Variants in ACLY observed in about 807,000 individuals in gnomAD.
ACLY encodes the protein ATP citrate lyase.
In ACLY, 41 loss-of-function variants were observed where a neutral mutation model predicts 133.0. The ratio of observed to expected loss-of-function variants is 0.31; its 90% CI spans 0.24 to 0.40. The LOEUF (loss-of-function observed/expected upper bound fraction) is 0.40. Ranked by LOEUF, ACLY falls within the 10% of genes least tolerant of loss-of-function variation. The pLI is 1.00. For missense variants in ACLY, 1,046 were observed against 1,453.8 expected (o/e 0.72, Z 4.56); for synonymous variants, 495 against 549.3 (o/e 0.90, Z 1.38).
chr17:41,893,219 C>A (rs782229497), intron 14 of ACLY, 45 bp from the exon 15 acceptor site: 1 of 1,582,054 alleles, frequency 6.3e-7, no homozygotes, highest in South Asian at 1.2e-5. Flanking sequence ...CACATACCCC[C>A]AGGAGACCTG....
intron 1 of ACLY, among the ~76,000 whole-genome samples, chr17:41,915,850 C>G (rs1046986022): frequency 3.9e-5 from 6 of 152,122 alleles, no homozygotes. Context: ...AAGGAACACT[C>G]AGAGAGGAGG....
Position 41,907,478 on chromosome 17 carries a change from C to G in ACLY, c.711G>C (p.Glu237Asp). Reference sequence around the variant, plus strand: ...CCTCCCGCCCGAAGGGGGGAGGGAACTCGATGTCACCCCACTTCACTTTGC... The same window carrying G: ...CCTCCCGCCCGAAGGGGGGAGGGAAGTCGATGTCACCCCACTTCACTTTGC... ...YICKVKWGDI[E>D]FPPPFGREAY... Residue 237 changes from glutamate (E) to aspartate (D), a missense_variant, in exon 7 of 29, where the codon GAG becomes GAC. This residue lies in a region of ACLY where 575 missense variants were observed against 804.2 expected (regional missense o/e 0.71). Coordinates refer to ENST00000352035, the MANE Select transcript of ACLY (RefSeq NM_001096.3). 6.2e-7 allele frequency: 1 copy of G among 1,613,884 alleles called. No homozygotes were observed. The highest frequency in any genetic ancestry group is 8.5e-7 in the Non-Finnish European group (1 of 1,179,944).
rs199706431 is a variant in ACLY, at chr17:41,867,914, A to T, written c.3212-10T>A. ...TGATCAAGATAGTGTCCTAAAATGA[A>T]GCAAACACATCTTTTTTATTAGAGC... On this transcript the variant is annotated splice_polypyrimidine_tract_variant and intron_variant, in intron 28 of 28. Transcript: ENST00000352035. 1.4e-4 allele frequency: 225 copies of T among 1,593,824 alleles called. No homozygotes were observed. Among genetic ancestry groups the T allele is most frequent in the Middle Eastern group, 3.4e-4 (2 of 5,918 alleles).
intron 21 of ACLY, 42 bp from the exon 22 acceptor site, chr17:41,878,238 AT>A: frequency 2.8e-6 from 4 of 1,436,218 alleles, no homozygotes; most frequent in Admixed American, 2.3e-5. Context: ...GGATTTTCTT[AT>A]TTTGGGCTCC....
intron 1 of ACLY, among the ~76,000 whole-genome samples, chr17:41,928,817 C>T (rs967486048): frequency 1.4e-5 from 2 of 147,750 alleles, no homozygotes; most frequent in Non-Finnish European, 3.0e-5. Flanking sequence ...CACATCACTG[C>T]ACTCCAGCCT....
At chr17:41,921,503 G>C (rs143917434), upstream of ACLY, among the ~76,000 whole-genome samples, 1 of 142,862 alleles carries the variant, frequency 7.0e-6, no homozygotes. Context: ...AAACAAAAAA[G>C]AAAAAAAGGA....
chr17:41,916,944 A>T (rs2144430403), intron 1 of ACLY, among the ~76,000 whole-genome samples: 1 of 151,552 alleles, frequency 6.6e-6, no homozygotes. Flanking sequence ...GGAGTTTGAG[A>T]CCAGCCTGGC....
At chr17:41,929,016 T>C (rs2050277609) in intron 1 of ACLY, among the ~76,000 whole-genome samples, 1 of 152,060 alleles carries the variant, frequency 6.6e-6, no homozygotes, top group African/African-American at 2.4e-5. Context: ...CCAGTTTCAC[T>C]GCAGGTCCTT....
rs1555632261 is a variant in ACLY, at chr17:41,904,735, C to T, written c.1059G>A (p.Thr353=). The change falls in exon 10 of 29, where the codon ACG becomes ACA. Residue 353 remains threonine (T), a synonymous_variant. Coordinates refer to ENST00000352035, the MANE Select transcript of ACLY (RefSeq NM_001096.3). The stretch of plus-strand genomic sequence containing the variant: ...CCACTGTTGCAACTGTTACCTTGAA[C>T]GTGGCAGCCACGTTGGTGAAGTTTG... ...SIANFTNVAA[T]FKGIVRAIRD... 6.2e-7 allele frequency: 1 copy of T among 1,613,918 alleles called. No homozygotes were observed. The highest frequency in any genetic ancestry group is 8.5e-7 in the Non-Finnish European group (1 of 1,179,784).
At chr17:41,904,884 A>C in intron 9 of ACLY, 94 bp from the exon 10 acceptor site, 1 of 1,243,888 alleles carries the variant, frequency 8.0e-7, no homozygotes, top group Non-Finnish European at 1.2e-6. Context: ...TGTTCCCCTG[A>C]ATGAGGGTCC....
chr17:41,925,293 A>T (rs1212950324), intron 1 of ACLY, among the ~76,000 whole-genome samples: 2 of 151,794 alleles, frequency 1.3e-5, no homozygotes, highest in African/African-American at 4.8e-5. Flanking sequence ...AAATGAAAAT[A>T]AAAAAATAAA....
intron 11 of ACLY, 25 bp from the exon 12 acceptor site, chr17:41,898,810 C>A (rs1555630963): frequency 2.5e-6 from 4 of 1,605,622 alleles, no homozygotes; most frequent in East Asian, 2.2e-5. Context: ...AAAAAAAATC[C>A]ATAATTCAAG....
intron 10 of ACLY, among the ~76,000 whole-genome samples, chr17:41,902,889 C>T (rs949356506): frequency 1.6e-4 from 25 of 152,236 alleles, no homozygotes; most frequent in African/African-American, 5.3e-4. Context: ...CACAGTGGCA[C>T]GATCACGGCT....
intron 14 of ACLY, among the ~76,000 whole-genome samples, chr17:41,896,388 GA>G: frequency 1.3e-5 from 2 of 152,184 alleles, no homozygotes; most frequent in Non-Finnish European, 2.9e-5. Context: ...CTTGGAGCCA[GA>G]AACAGCCACA....
At chr17:41,883,337 A>G in intron 19 of ACLY, 105 bp from the exon 20 acceptor site, 6 of 899,088 alleles carry the variant, frequency 6.7e-6, no homozygotes, top group Non-Finnish European at 1.0e-5. Context: ...AAATAAAAGG[A>G]GTTTAATTTC....
intron 1 of ACLY, among the ~76,000 whole-genome samples, chr17:41,925,434 CAAAA>C (rs34698648): frequency 2.7e-5 from 3 of 111,040 alleles, no homozygotes; most frequent in East Asian, 2.7e-4. Flanking sequence ...CCTTCTCTAC[CAAAA>C]AAAAAAAAAA....
At chr17:41,894,893 G>C (rs782118730) in intron 14 of ACLY, among the ~76,000 whole-genome samples, 1 of 152,176 alleles carries the variant, frequency 6.6e-6, no homozygotes, top group African/African-American at 2.4e-5. Flanking sequence ...CTGTACTAGA[G>C]CAGGCTTGGC....
intron 23 of ACLY, 141 bp downstream of exon 23, chr17:41,873,670 T>C: frequency 9.6e-7 from 1 of 1,043,804 alleles, no homozygotes; most frequent in South Asian, 2.5e-5. Flanking sequence ...GTGTCCTTCC[T>C]CTGGCCGCTC....
rs563023692 is a variant in ACLY at position 41,897,454 on chromosome 17, C to G, written c.1429+295G>C. Among the ~76,000 whole-genome samples, 3 of 152,150 alleles carry G rather than the reference C, an allele frequency of 2.0e-5. No homozygotes were observed. The South Asian group carries it at 6.2e-4, about 32-fold the overall frequency. ...TCCACTTCCTGGGATTTCTGTAACCCTATCTCCTCCACAGCCTCCCTGCCC... is the reference window on the plus strand; with the variant it reads ...TCCACTTCCTGGGATTTCTGTAACCGTATCTCCTCCACAGCCTCCCTGCCC... On this transcript the variant is annotated intron_variant, in intron 13 of 28. Transcript: ENST00000352035.
Sources: allele counts gnomAD v4.1 joint callset (sites outside exome capture counted in the v4.1 genomes callset), GRCh38; gene constraint gnomAD v4.1.1; regional missense constraint gnomAD v4.1.1; transcripts MANE v1.5; gene names NCBI Gene and HGNC (gene_info 2026-07-23, HGNC 2026-07-21).